Variants in PEBP4 observed in about 807,000 individuals in gnomAD.
PEBP4 encodes the protein phosphatidylethanolamine-binding protein 4.
Under a neutral mutation model 23.9 loss-of-function variants are expected in PEBP4, and 22 were observed. The observed-to-expected ratio is 0.92, with a 90% CI of 0.66 to 1.31. The LOEUF (loss-of-function observed/expected upper bound fraction) is 1.31, where lower values mean the gene tolerates loss of function less well. Among genes scored for constraint, PEBP4 ranks in the 40% most tolerant of loss-of-function variants. PEBP4 has a pLI of 0.00. For missense variants in PEBP4, 324 were observed against 281.7 expected (o/e 1.15, Z -1.07); for synonymous variants, 112 against 99.3 (o/e 1.13, Z -0.76).
At chr8:22,791,638 T>C (rs892616791) in intron 4 of PEBP4, among the ~76,000 whole-genome samples, 1 of 152,248 alleles carries the variant, frequency 6.6e-6, no homozygotes, top group African/African-American at 2.4e-5. Context: ...ATAATGCATA[T>C]TCACAAGGCA....
In PEBP4 at chr8:22,851,074, C is replaced by T. The variant is rs1041339577; in HGVS notation, c.259-33339G>A. 7.9e-5 allele frequency among the ~76,000 whole-genome samples: 12 copies of T among 152,198 alleles called. No individual in the cohort carries two copies. In the South Asian group the frequency reaches 1.2e-3, roughly 16 times the overall value. On this transcript the variant is annotated intron_variant, in intron 3 of 6. Transcript: ENST00000256404. ...ATTGACAGCTTCACAAACTGAAGAT[C>T]GAGAGGCGGGGGACCTGGAAAGGCA...
At chr8:22,894,604 T>C (rs902429494) in intron 3 of PEBP4, among the ~76,000 whole-genome samples, 2 of 151,802 alleles carry the variant, frequency 1.3e-5, no homozygotes, top group Admixed American at 6.6e-5. Context: ...AAAATAGTAA[T>C]AAATTCTTGG....
intron 3 of PEBP4, among the ~76,000 whole-genome samples, chr8:22,881,114 C>T (rs914341849): frequency 1.6e-4 from 24 of 152,244 alleles, no homozygotes; most frequent in Admixed American, 1.3e-3. Context: ...GATATTCCTA[C>T]CTCTCCCTCT....
At chr8:22,781,833 T>C (rs1217421647) in intron 4 of PEBP4, among the ~76,000 whole-genome samples, 1 of 152,088 alleles carries the variant, frequency 6.6e-6, no homozygotes, top group Non-Finnish European at 1.5e-5. Context: ...CTGTCCCCCT[T>C]CCTCCCTGGG....
At chr8:22,833,245 A>G (rs1018842628) in intron 3 of PEBP4, among the ~76,000 whole-genome samples, 1 of 152,172 alleles carries the variant, frequency 6.6e-6, no homozygotes, top group African/African-American at 2.4e-5. Context: ...ATGTTTTAAA[A>G]CAGGGCCCTT....
chr8:22,812,832 C>T (rs534202691), intron 4 of PEBP4, among the ~76,000 whole-genome samples: 17 of 152,314 alleles, frequency 1.1e-4, no homozygotes, highest in East Asian at 1.9e-4. Flanking sequence ...CAAGGATACA[C>T]GTGCCGCTTC....
At chr8:22,923,814 G>A (rs1028504592) in intron 2 of PEBP4, among the ~76,000 whole-genome samples, 10 of 152,134 alleles carry the variant, frequency 6.6e-5, no homozygotes, top group Admixed American at 2.0e-4. Flanking sequence ...ATGTGAAGTC[G>A]CAGCAAGAAG....
chr8:22,740,111 T>C (rs1804958175), intron 4 of PEBP4, among the ~76,000 whole-genome samples: 2 of 152,096 alleles, frequency 1.3e-5, no homozygotes, highest in African/African-American at 2.4e-5. Flanking sequence ...TCCCCACCAA[T>C]GGGCCCAGGC....
intron 3 of PEBP4, among the ~76,000 whole-genome samples, chr8:22,846,389 C>T (rs1305020642): frequency 6.6e-6 from 1 of 152,186 alleles, no homozygotes; most frequent in Non-Finnish European, 1.5e-5. Context: ...TTTAAAGGCA[C>T]TAAACCCTGG....
chr8:22,870,130 G>T (rs1433091167), intron 3 of PEBP4, among the ~76,000 whole-genome samples: 1 of 152,190 alleles, frequency 6.6e-6, no homozygotes, highest in African/African-American at 2.4e-5. Flanking sequence ...ACAAATCCAG[G>T]CTTCACACAA....
chr8:22,919,119 G>A (rs1484143350), intron 3 of PEBP4, among the ~76,000 whole-genome samples: 8 of 152,142 alleles, frequency 5.3e-5, no homozygotes, highest in Non-Finnish European at 7.4e-5. Context: ...TCTATTCCCC[G>A]CATTGGAGTA....
chr8:22,800,745 C>G (rs980473233), intron 4 of PEBP4, among the ~76,000 whole-genome samples: 1 of 152,138 alleles, frequency 6.6e-6, no homozygotes, highest in East Asian at 1.9e-4. Context: ...ATACCCAGAG[C>G]TGAGTGTCCT....
intron 6 of PEBP4, among the ~76,000 whole-genome samples, chr8:22,714,683 G>A (rs1804377940): frequency 6.6e-6 from 1 of 152,030 alleles, no homozygotes; most frequent in African/African-American, 2.4e-5. Flanking sequence ...CCAGACAGAA[G>A]AGGGCAAGGG....
rs187766164 is a variant in PEBP4 at position 22,732,769 on chromosome 8, T to C, written c.358-5549A>G. Among the ~76,000 whole-genome samples the C allele has an allele frequency of 2.6e-5, 4 of 152,180 alleles. No individual in the cohort carries two copies. The East Asian group carries it at 7.7e-4, about 29-fold the overall frequency. ...CAGGACTAGGTGCAAATTATTCTAA[T>C]TGCAGAGAGGAGGGCTCAACACTGT... On this transcript the variant is annotated intron_variant, in intron 4 of 6. Coordinates refer to ENST00000256404, the MANE Select transcript of PEBP4 (RefSeq NM_144962.3).
intron 3 of PEBP4, among the ~76,000 whole-genome samples, chr8:22,895,087 A>G (rs1563252479): frequency 6.6e-6 from 1 of 152,200 alleles, no homozygotes; most frequent in East Asian, 1.9e-4. Context: ...ATTGGCAGAA[A>G]TCTGAGAAAT....
rs1805520156 is a variant in PEBP4 at position 22,762,072 on chromosome 8, G to A, written c.358-34852C>T. Reference sequence around the variant, plus strand: ...TTTTAACAAATTATTTAACCCCTATGTTAGTTTGCTTATTGTGCCAGAAAA... The same window carrying A: ...TTTTAACAAATTATTTAACCCCTATATTAGTTTGCTTATTGTGCCAGAAAA... On this transcript the variant is annotated intron_variant, in intron 4 of 6. Coordinates refer to ENST00000256404, the MANE Select transcript of PEBP4 (RefSeq NM_144962.3). Among the ~76,000 whole-genome samples the A allele has an allele frequency of 9.1e-5, 13 of 142,630 alleles. 1 individual carries two copies. The South Asian group carries it at 2.8e-3, about 31-fold the overall frequency. The allele number at this position is 142,630 out of a possible 152,430, so 93.6% of individuals were successfully genotyped here. A position where few individuals can be genotyped will look rare whatever the true frequency, so the allele number is the denominator to read the frequency against.
At chr8:22,755,522 G>C (rs187757825) in intron 4 of PEBP4, among the ~76,000 whole-genome samples, 1 of 151,936 alleles carries the variant, frequency 6.6e-6, no homozygotes, top group African/African-American at 2.4e-5. Flanking sequence ...TTTTAGTAGA[G>C]ATGGGGTTCT....
At chr8:22,860,201 TATATACAC>T in intron 3 of PEBP4, among the ~76,000 whole-genome samples, 1 of 141,328 alleles carries the variant, frequency 7.1e-6, no homozygotes, top group African/African-American at 2.7e-5. Flanking sequence ...TGTATATATA[TATATACAC>T]ATATATGTAT....
At chr8:22,890,036 G>A (rs546976067) in intron 3 of PEBP4, among the ~76,000 whole-genome samples, 1 of 152,344 alleles carries the variant, frequency 6.6e-6, no homozygotes, top group South Asian at 2.1e-4. Context: ...AAGACCTCAT[G>A]CTCCTTGATA....
Sources: gnomAD v4.1 joint callset for allele counts (sites outside exome capture counted in the v4.1 genomes callset) on GRCh38, gnomAD v4.1.1 for gene constraint, MANE v1.5 for transcripts, NCBI Gene and HGNC (gene_info 2026-07-23, HGNC 2026-07-21) for gene names.